The following BCLAF1 variants were observed in gnomAD, a reference collection of about 807,000 sequenced individuals.
BCLAF1 encodes the protein bcl-2-associated transcription factor 1.
In BCLAF1, 10 loss-of-function variants were observed where a neutral mutation model predicts 99.5. The ratio of observed to expected loss-of-function variants is 0.10; its 90% confidence interval spans 0.06 to 0.17. BCLAF1 has a LOEUF of 0.17. Ranked by LOEUF, BCLAF1 falls within the 10% of genes least tolerant of loss-of-function variation. The probability of loss-of-function intolerance (pLI) is 1.00; values close to 1 mark genes in which losing one functional copy is unlikely to be tolerated. For missense variants in BCLAF1, 636 were observed against 1,105.8 expected (o/e 0.58, Z 6.02); for synonymous variants, 255 against 370.9 (o/e 0.69, Z 3.59).
chr6:136,270,104 C>G (rs1048867575), intron 8 of BCLAF1: 1 of 151,814 alleles, frequency 6.6e-6, no homozygotes, highest in South Asian at 2.1e-4. Context: ...CCCAAATAAT[C>G]TGACCAACCC....
At chr6:136,266,621 C>T (rs942757318) in intron 11 of BCLAF1, among the ~76,000 whole-genome samples, 3 of 152,044 alleles carry the variant, frequency 2.0e-5, no homozygotes, top group African/African-American at 7.2e-5. Flanking sequence ...TTCTTAATTA[C>T]ACGTACTTTG....
intron 8 of BCLAF1, 33 bp downstream of exon 8, chr6:136,271,957 GAACTT>G (rs1228243909): frequency 1.4e-6 from 2 of 1,449,894 alleles, no homozygotes; most frequent in African/African-American, 2.8e-5. Context: ...TAACTAAGCT[GAACTT>G]AACACGAAAA....
intron 3 of BCLAF1, 67 bp downstream of exon 3, chr6:136,279,696 T>TAC: frequency 7.3e-7 from 1 of 1,361,464 alleles, no homozygotes; most frequent in Non-Finnish European, 9.5e-7. Flanking sequence ...GCACTGTGTT[T>TAC]ACGATACTCA....
chr6:136,286,528 C>T lies in BCLAF1; in HGVS notation c.-115+3185G>A, dbSNP rs190351545. Among the ~76,000 whole-genome samples the T allele has an allele frequency of 2.0e-5, 3 of 152,350 alleles. No homozygotes were observed. In the East Asian group the frequency reaches 5.8e-4, roughly 29 times the overall value. Reference sequence around the variant, plus strand: ...GTTTGGCCCGTGGTATACAATCTAGCATTAGCCATCATTATTGGTAACCCT... The same window carrying T: ...GTTTGGCCCGTGGTATACAATCTAGTATTAGCCATCATTATTGGTAACCCT... On this transcript the variant is annotated intron_variant, in intron 1 of 12. Transcript: ENST00000531224.
In BCLAF1 at chr6:136,269,623, C is replaced by T. The variant is rs1292610200; in HGVS notation, c.2044-11G>A. On this transcript the variant is annotated splice_polypyrimidine_tract_variant and intron_variant, in intron 8 of 12. Coordinates refer to ENST00000531224, the MANE Select transcript of BCLAF1 (RefSeq NM_014739.3). Reference sequence around the variant, plus strand: ...TAATTTTTTATCTCCCTATAAAAGACAGATATAAAATACAGATTTCAGGGG... The same window carrying T: ...TAATTTTTTATCTCCCTATAAAAGATAGATATAAAATACAGATTTCAGGGG... The T allele has an allele frequency of 6.4e-7, 1 of 1,567,962 alleles. No individual in the cohort carries two copies. Among genetic ancestry groups the T allele is most frequent in the Admixed American group, 2.1e-5 (1 of 48,576 alleles).
At chr6:136,287,387 G>A (rs925519540) in intron 1 of BCLAF1, among the ~76,000 whole-genome samples, 1 of 152,202 alleles carries the variant, frequency 6.6e-6, no homozygotes, top group Admixed American at 6.5e-5. Context: ...TTATCTTCGT[G>A]TTAGTATATT....
chr6:136,262,397 C>T (rs1781129186), intron 11 of BCLAF1, among the ~76,000 whole-genome samples: 1 of 151,970 alleles, frequency 6.6e-6, no homozygotes, highest in Admixed American at 6.6e-5. Context: ...TATAGAGTAC[C>T]AGTAGTGAGC....
In BCLAF1 at chr6:136,286,695, C is replaced by T. The variant is rs908833887; in HGVS notation, c.-115+3018G>A. 1.1e-4 allele frequency among the ~76,000 whole-genome samples: 17 copies of T among 152,142 alleles called. No individual in the cohort carries two copies. The East Asian group carries it at 1.2e-3, about 10-fold the overall frequency. ...CATGCTTAATAAAATGGGCTGGGTG[C>T]GGTGGCTTACACCTGTAATCCCAAC... On this transcript the variant is annotated intron_variant, in intron 1 of 12. Coordinates refer to ENST00000531224, the MANE Select transcript of BCLAF1 (RefSeq NM_014739.3).
chr6:136,272,001 A>T lies in BCLAF1; in HGVS notation c.2037T>A (p.Asn679Lys). 2 of 1,600,110 alleles carry T rather than the reference A, an allele frequency of 1.2e-6. No individual in the cohort carries two copies. The highest frequency in any genetic ancestry group is 1.7e-6 in the Non-Finnish European group (2 of 1,170,420). ...AGEERVFKEE[N>K]QKGDKKLRCD... ...ATTACATTCAAAAACATACCTTTTG[A>T]TTTTCTTCTTTAAAAACTCTCTCTT... The change falls in exon 8 of 13, where the codon AAT becomes AAA. Residue 679 changes from asparagine (N) to lysine (K), a missense_variant. Asn to Lys is a moderately conservative substitution (Grantham distance 94). Transcript: ENST00000531224.
chr6:136,288,303 G>C (rs1262230912), intron 1 of BCLAF1, among the ~76,000 whole-genome samples: 1 of 152,200 alleles, frequency 6.6e-6, no homozygotes, highest in East Asian at 1.9e-4. Context: ...CCCCGCTGGA[G>C]TGCAGTGGGA....
chr6:136,272,092 TAAA>T lies in BCLAF1; in HGVS notation c.1959-16_1959-14del. 1 of 1,540,462 alleles carries T rather than the reference TAAA, an allele frequency of 6.5e-7. No homozygotes were observed. On this transcript the variant is annotated splice_polypyrimidine_tract_variant and intron_variant, in intron 7 of 12. Transcript: ENST00000531224. ...GATGTCAATTCTCCTTAATGTAAAA[TAAA>T]ATATATTTTTAGTCATATTATTAAC... is the stretch of plus-strand genomic sequence containing the variant.
intron 6 of BCLAF1, chr6:136,274,011 C>T: frequency 3.2e-6 from 4 of 1,256,260 alleles, no homozygotes; most frequent in African/African-American, 1.6e-5. Flanking sequence ...AAACTTGAAA[C>T]GGCCACTACA....
intron 11 of BCLAF1, among the ~76,000 whole-genome samples, chr6:136,266,117 T>C (rs1350436458): frequency 6.6e-6 from 1 of 152,086 alleles, no homozygotes; most frequent in East Asian, 1.9e-4. Flanking sequence ...GAAACATATA[T>C]AGTTTTTCCA....
At position 136,276,386 on chromosome 6, in the gene BCLAF1, G is replaced by C. The variant is rs765784909; in HGVS notation, c.1139C>G (p.Ala380Gly). The C allele has an allele frequency of 1.7e-5, 27 of 1,581,642 alleles. 1 individual carries two copies. In the South Asian group the frequency reaches 2.9e-4, roughly 17 times the overall value. The change falls in exon 5 of 13, where the codon GCT (alanine) becomes GGT (glycine). Residue 380 changes from alanine to glycine, a missense_variant. Around this residue, in one of 9 missense-constraint regions of BCLAF1, gnomAD observed 186 missense variants for 275.3 expected, o/e 0.68. Transcript: ENST00000531224. ...RAEGEWEDQE[A>G]LDYFSDKESG... ...CTCTTTATCACTGAAGTAATCTAGA[G>C]CTTCCTGATCTTCCCATTCTCCCTC... is the stretch of plus-strand genomic sequence containing the variant.
intron 11 of BCLAF1, 132 bp downstream of exon 11, chr6:136,266,897 A>G: frequency 1.7e-6 from 2 of 1,183,524 alleles, no homozygotes; most frequent in Non-Finnish European, 2.3e-6. Context: ...CGTCTGGGTA[A>G]TTATTTTAAA....
At chr6:136,283,027 G>A (rs569816098) in intron 1 of BCLAF1, among the ~76,000 whole-genome samples, 13 of 151,634 alleles carry the variant, frequency 8.6e-5, no homozygotes, top group Non-Finnish European at 1.9e-4. Context: ...GCGGGGCAAG[G>A]TAGCACAAGC....
chr6:136,263,630 T>C (rs1437348104), intron 11 of BCLAF1, among the ~76,000 whole-genome samples: 2 of 152,192 alleles, frequency 1.3e-5, no homozygotes, highest in African/African-American at 2.4e-5. Context: ...CAAGACCTTC[T>C]GAATCATCTT....
chr6:136,264,479 A>G (rs1781456130), intron 11 of BCLAF1, among the ~76,000 whole-genome samples: 1 of 152,190 alleles, frequency 6.6e-6, no homozygotes, highest in African/African-American at 2.4e-5. Flanking sequence ...TGCTGGGATT[A>G]CAGGTGTGAG....
intron 2 of BCLAF1, 105 bp from the exon 3 acceptor site, chr6:136,279,981 A>C: frequency 8.2e-7 from 1 of 1,225,876 alleles, no homozygotes; most frequent in Non-Finnish European, 1.0e-6. Context: ...CAAGTTTCTC[A>C]AAGGCTATTA....
Sources: gnomAD v4.1 joint callset for allele counts (sites outside exome capture counted in the v4.1 genomes callset) on GRCh38, gnomAD v4.1.1 for gene constraint, gnomAD v4.1.1 regional missense constraint, MANE v1.5 for transcripts, NCBI Gene and HGNC (gene_info 2026-07-23, HGNC 2026-07-21) for gene names.